LRP1B: variants seen among roughly 807,000 people sequenced by gnomAD.
LRP1B encodes low-density lipoprotein receptor-related protein 1B.
A neutral mutation model predicts 556.6 loss-of-function variants in LRP1B; 217 were observed. That is an observed-to-expected ratio of 0.39 (90% CI 0.35 to 0.44). LRP1B has a LOEUF of 0.44. Ranked by LOEUF, LRP1B falls within the 20% of genes least tolerant of loss-of-function variation. LRP1B has a pLI of 1.00. For synonymous variants in LRP1B, 2,047 were observed against 1,865.8 expected (o/e 1.10, Z -2.50); for missense variants, 5,053 against 5,620.8 (o/e 0.90, Z 3.23).
chr2:141,077,927 C>T (rs1243008329), intron 7 of LRP1B, among the ~76,000 whole-genome samples: 1 of 151,618 alleles, frequency 6.6e-6, no homozygotes, highest in Non-Finnish European at 1.5e-5. Flanking sequence ...GGTAAAACTC[C>T]AATCTGAGTC....
intron 2 of LRP1B, among the ~76,000 whole-genome samples, chr2:141,490,953 T>C (rs1203558294): frequency 7.0e-6 from 1 of 142,722 alleles, no homozygotes; most frequent in Non-Finnish European, 1.5e-5. Context: ...TTTTTTTTTT[T>C]AATCTCTTAC....
intron 83 of LRP1B, among the ~76,000 whole-genome samples, chr2:140,304,617 C>G (rs1023434046): frequency 3.3e-5 from 5 of 152,158 alleles, no homozygotes; most frequent in Non-Finnish European, 5.9e-5. Flanking sequence ...CCCGTTCACT[C>G]TGATGGTAGT....
intron 41 of LRP1B, among the ~76,000 whole-genome samples, chr2:140,617,972 C>A (rs999178823): frequency 6.6e-6 from 1 of 151,896 alleles, no homozygotes; most frequent in African/African-American, 2.4e-5. Context: ...TGTCTTTTAA[C>A]CTTTTTAAAA....
chr2:141,293,030 C>T (rs565155741), intron 3 of LRP1B, among the ~76,000 whole-genome samples: 1 of 152,200 alleles, frequency 6.6e-6, no homozygotes, highest in South Asian at 2.1e-4. Context: ...CAATTTTCCT[C>T]CTTTATGCTA....
chr2:140,885,516 A>AT (rs1259914261), intron 24 of LRP1B, among the ~76,000 whole-genome samples: 4 of 151,738 alleles, frequency 2.6e-5, no homozygotes, highest in Non-Finnish European at 5.9e-5. Context: ...ACGTCCAGCT[A>AT]TTTTTTGTAT....
At chr2:140,982,611 C>A (rs1331118324) in intron 17 of LRP1B, among the ~76,000 whole-genome samples, 1 of 150,944 alleles carries the variant, frequency 6.6e-6, no homozygotes, top group East Asian at 1.9e-4. Context: ...TAAGTTTCAT[C>A]CAACTCTTAA....
At chr2:140,629,434 G>A (rs1683798704) in intron 41 of LRP1B, among the ~76,000 whole-genome samples, 1 of 152,054 alleles carries the variant, frequency 6.6e-6, no homozygotes, top group Admixed American at 6.6e-5. Context: ...GATTCAAAAA[G>A]TCTACTTCTA....
In LRP1B at chr2:140,516,884, C is replaced by G. The variant is rs2104938695; in HGVS notation, c.8149+5G>C. ...ACAAAAACTAAGCTAAATACAATGTCTCACCACAGTGGAATTCATCACGTC... is the reference window on the plus strand; with the variant it reads ...ACAAAAACTAAGCTAAATACAATGTGTCACCACAGTGGAATTCATCACGTC... On this transcript the variant is annotated splice_donor_5th_base_variant and intron_variant, in intron 50 of 90. Coordinates refer to ENST00000389484, the MANE Select transcript of LRP1B (RefSeq NM_018557.3). 3.7e-6 allele frequency: 6 copies of G among 1,613,076 alleles called. No homozygotes were observed. Among genetic ancestry groups the G allele is most frequent in the Non-Finnish European group, 4.2e-6 (5 of 1,179,478 alleles).
chr2:141,181,240 C>T (rs1186591099), intron 7 of LRP1B, among the ~76,000 whole-genome samples: 7 of 151,824 alleles, frequency 4.6e-5, no homozygotes, highest in Non-Finnish European at 2.9e-5. Context: ...CAATAGATAC[C>T]TTATGACCGT....
intron 7 of LRP1B, among the ~76,000 whole-genome samples, chr2:141,062,903 G>GT (rs1699374860): frequency 6.6e-6 from 1 of 151,706 alleles, no homozygotes; most frequent in African/African-American, 2.4e-5. Flanking sequence ...ATTTCTTCTT[G>GT]TTTTTTCTTA....
intron 86 of LRP1B, among the ~76,000 whole-genome samples, chr2:140,260,472 G>T (rs557090454): frequency 5.3e-5 from 8 of 151,406 alleles, no homozygotes; most frequent in Non-Finnish European, 1.0e-4. Context: ...ATGTACATGT[G>T]TATTATATAT....
intron 2 of LRP1B, among the ~76,000 whole-genome samples, chr2:141,782,731 T>C (rs566824855): frequency 1.3e-5 from 2 of 152,152 alleles, no homozygotes; most frequent in South Asian, 2.1e-4. Flanking sequence ...ATTGAGCATA[T>C]GGTCAATGAG....
chr2:140,463,616 G>A (rs898426801), intron 60 of LRP1B, among the ~76,000 whole-genome samples: 1 of 152,064 alleles, frequency 6.6e-6, no homozygotes, highest in South Asian at 2.1e-4. Flanking sequence ...CATGAAGGAT[G>A]GCCAACATTT....
chr2:141,993,723 G>A (rs1480786692), intron 1 of LRP1B, among the ~76,000 whole-genome samples: 1 of 152,086 alleles, frequency 6.6e-6, no homozygotes, highest in African/African-American at 2.4e-5. Flanking sequence ...TATAGGTGAA[G>A]GTCTTCCTAA....
intron 35 of LRP1B, 139 bp downstream of exon 35, chr2:140,769,074 G>A: frequency 4.0e-6 from 3 of 746,182 alleles, no homozygotes; most frequent in Non-Finnish European, 6.3e-6. Context: ...TTTATGATTG[G>A]CCTTAATATT....
chr2:141,253,240 T>C (rs1684333690), intron 4 of LRP1B, among the ~76,000 whole-genome samples: 3 of 152,160 alleles, frequency 2.0e-5, no homozygotes, highest in South Asian at 4.1e-4. Context: ...TTATGAGGCA[T>C]CTACCGTTGC....
chr2:140,678,485 C>T (rs1490867865), intron 41 of LRP1B, among the ~76,000 whole-genome samples: 1 of 152,156 alleles, frequency 6.6e-6, no homozygotes, highest in African/African-American at 2.4e-5. Flanking sequence ...AACCTCAGAA[C>T]ATATTAGCAT....
intron 2 of LRP1B, among the ~76,000 whole-genome samples, chr2:141,498,970 A>G (rs1199801090): frequency 6.6e-6 from 1 of 152,128 alleles, no homozygotes; most frequent in Non-Finnish European, 1.5e-5. Context: ...TAAGGTGGTC[A>G]GTACATAAAT....
intron 28 of LRP1B, 126 bp from the exon 29 acceptor site, chr2:140,850,455 A>T: frequency 1.7e-6 from 1 of 589,870 alleles, no homozygotes. Context: ...TTTGATGGAA[A>T]CAATGCAGTA....
Sources: allele counts gnomAD v4.1 joint callset (sites outside exome capture counted in the v4.1 genomes callset), GRCh38; gene constraint gnomAD v4.1.1; transcripts MANE v1.5; gene names NCBI Gene and HGNC (gene_info 2026-07-23, HGNC 2026-07-21).